The following KCNMA1 variants were observed in gnomAD, a reference collection of about 807,000 sequenced individuals.
The protein encoded by KCNMA1 is Calcium-activated potassium channel subunit alpha-1.
A neutral mutation model predicts 140.0 loss-of-function variants in KCNMA1; 29 were observed. The observed-to-expected ratio is 0.21, with a 90% CI of 0.15 to 0.28. The LOEUF (loss-of-function observed/expected upper bound fraction) is 0.28, where lower values mean the gene tolerates loss of function less well. Among genes scored for constraint, KCNMA1 ranks in the 10% least tolerant of loss-of-function variants. The probability of loss-of-function intolerance (pLI) is 1.00; values close to 1 mark genes in which losing one functional copy is unlikely to be tolerated. For synonymous variants in KCNMA1, 612 were observed against 611.9 expected (o/e 1.00, Z 0.00); for missense variants, 880 against 1,602.2 (o/e 0.55, Z 7.70).
intron 1 of KCNMA1, among the ~76,000 whole-genome samples, chr10:77,530,974 C>A (rs1364182600): frequency 6.6e-6 from 1 of 152,188 alleles, no homozygotes; most frequent in East Asian, 1.9e-4. Flanking sequence ...CTCCTCAAAG[C>A]ATCTTGCATC....
At chr10:77,314,212 C>G (rs2080140709) in intron 2 of KCNMA1, 2 of 152,164 alleles carry the variant, frequency 1.3e-5, no homozygotes, top group Admixed American at 1.3e-4. Context: ...ACTGATGAAT[C>G]TAACCATTCA....
At chr10:76,985,489 T>C (rs887206579) in intron 19 of KCNMA1, among the ~76,000 whole-genome samples, 3 of 152,210 alleles carry the variant, frequency 2.0e-5, no homozygotes, top group East Asian at 1.9e-4. Flanking sequence ...TAAACCAACA[T>C]GCCATTTAGG....
intron 2 of KCNMA1, among the ~76,000 whole-genome samples, chr10:77,337,310 G>C (rs2089421112): frequency 1.3e-5 from 2 of 152,154 alleles, no homozygotes; most frequent in Non-Finnish European, 2.9e-5. Flanking sequence ...GCATTACAGA[G>C]GAAGAAGAAA....
At chr10:77,344,447 A>G (rs1347991073) in intron 2 of KCNMA1, among the ~76,000 whole-genome samples, 3 of 152,236 alleles carry the variant, frequency 2.0e-5, no homozygotes, top group South Asian at 2.1e-4. Flanking sequence ...TGCATTTGTG[A>G]GACATACTGA....
intron 1 of KCNMA1, among the ~76,000 whole-genome samples, chr10:77,593,999 A>G (rs1402084098): frequency 1.3e-5 from 2 of 152,214 alleles, no homozygotes; most frequent in Non-Finnish European, 2.9e-5. Context: ...CTGCAGCTCA[A>G]AATAGAACAG....
chr10:76,930,728 A>T (rs1161442307), intron 23 of KCNMA1, among the ~76,000 whole-genome samples: 1 of 152,180 alleles, frequency 6.6e-6, no homozygotes, highest in Non-Finnish European at 1.5e-5. Context: ...ACTGGTGTCC[A>T]TTGACAGATG....
intron 1 of KCNMA1, among the ~76,000 whole-genome samples, chr10:77,407,899 A>G (rs982516061): frequency 1.3e-5 from 2 of 152,154 alleles, no homozygotes; most frequent in African/African-American, 4.8e-5. Flanking sequence ...GCCAGAGTGA[A>G]CCTTTAATAA....
At chr10:77,055,030 T>C (rs556495962) in intron 14 of KCNMA1, among the ~76,000 whole-genome samples, 3 of 152,156 alleles carry the variant, frequency 2.0e-5, no homozygotes, top group Non-Finnish European at 4.4e-5. Context: ...ATGATGCTGA[T>C]GACCCTGACT....
intron 13 of KCNMA1, among the ~76,000 whole-genome samples, chr10:77,074,705 G>A (rs2096331534): frequency 6.6e-6 from 1 of 152,158 alleles, no homozygotes; most frequent in Non-Finnish European, 1.5e-5. Context: ...AACGGAGAAG[G>A]TTACCTTAAA....
At position 77,001,569 on chromosome 10, in the gene KCNMA1, T is replaced by C. The variant is rs759369679; in HGVS notation, c.2104A>G (p.Ile702Val). Residue 702 changes from isoleucine to valine, a missense_variant, in exon 19 of 28, where the codon ATC (isoleucine) becomes GTC (valine). Coordinates refer to ENST00000286628, the MANE Select transcript of KCNMA1 (RefSeq NM_001161352.2). Reference protein sequence around the residue: ...KCGCKRPKMSIYKRMRRACCF... With the variant: ...KCGCKRPKMSVYKRMRRACCF... ...CATGCCCGTCTCATTCTCTTGTAGA[T>C]GGACATCTTGGCTATAACCGTGTGG... 1 of 1,551,694 alleles carries C rather than the reference T, an allele frequency of 6.4e-7. No homozygotes were observed. Among genetic ancestry groups the C allele is most frequent in the South Asian group, 1.2e-5 (1 of 84,026 alleles).
At chr10:77,198,152 T>C (rs1251197741) in intron 3 of KCNMA1, among the ~76,000 whole-genome samples, 1 of 152,160 alleles carries the variant, frequency 6.6e-6, no homozygotes, top group Non-Finnish European at 1.5e-5. Context: ...AAGGCATCAG[T>C]TACATAAAGA....
intron 2 of KCNMA1, among the ~76,000 whole-genome samples, chr10:77,307,509 T>C (rs1328005018): frequency 3.3e-5 from 5 of 152,198 alleles, no homozygotes; most frequent in African/African-American, 1.2e-4. Context: ...TATGAGCTAA[T>C]GTAAGTGTTC....
At chr10:76,986,425 A>G (rs2081285740) in intron 19 of KCNMA1, among the ~76,000 whole-genome samples, 1 of 152,216 alleles carries the variant, frequency 6.6e-6, no homozygotes, top group African/African-American at 2.4e-5. Context: ...AGTTATCCAG[A>G]CAGGGAGCTT....
At chr10:77,334,979 G>C (rs2088249474) in intron 2 of KCNMA1, among the ~76,000 whole-genome samples, 1 of 152,096 alleles carries the variant, frequency 6.6e-6, no homozygotes, top group Non-Finnish European at 1.5e-5. Context: ...CCATATTCAA[G>C]TGTCTAACAG....
chr10:77,364,863 AC>A (rs1194945472), intron 2 of KCNMA1, among the ~76,000 whole-genome samples: 3 of 152,192 alleles, frequency 2.0e-5, no homozygotes, highest in Non-Finnish European at 4.4e-5. Context: ...CTCTGATTAA[AC>A]AGAGTTTTTA....
intron 22 of KCNMA1, among the ~76,000 whole-genome samples, chr10:76,947,394 T>C (rs1281224121): frequency 6.6e-6 from 1 of 151,744 alleles, no homozygotes; most frequent in African/African-American, 2.4e-5. Context: ...GGAGGAAACA[T>C]ACACAAACAC....
At chr10:76,941,116 G>GAGGGAGGGA (rs1554961330) in intron 23 of KCNMA1, among the ~76,000 whole-genome samples, 1 of 88,644 alleles carries the variant, frequency 1.1e-5, no homozygotes, top group East Asian at 4.2e-4. Context: ...GGGAGGGAGG[G>GAGGGAGGGA]AGGGAAGGGA....
intron 1 of KCNMA1, among the ~76,000 whole-genome samples, chr10:77,614,140 A>G (rs1291157717): frequency 6.6e-6 from 1 of 152,226 alleles, no homozygotes; most frequent in African/African-American, 2.4e-5. Context: ...TCCAGAAAAA[A>G]TTAAATACCC....
intron 20 of KCNMA1, among the ~76,000 whole-genome samples, chr10:76,969,015 A>G (rs2075056358): frequency 6.6e-6 from 1 of 152,116 alleles, no homozygotes; most frequent in Non-Finnish European, 1.5e-5. Flanking sequence ...CAGAGCAGAA[A>G]CCACATAGGG....
Sources: allele counts gnomAD v4.1 joint callset (sites outside exome capture counted in the v4.1 genomes callset), GRCh38; gene constraint gnomAD v4.1.1; transcripts MANE v1.5; gene names NCBI Gene and HGNC (gene_info 2026-07-23, HGNC 2026-07-21).